LRP2: variants seen among roughly 807,000 people sequenced by gnomAD.
The protein encoded by LRP2 is LDL receptor related protein 2.
A neutral mutation model predicts 531.0 loss-of-function variants in LRP2; 172 were observed. The ratio of observed to expected loss-of-function variants is 0.32; its 90% CI spans 0.29 to 0.37. LRP2 has a LOEUF of 0.37. LRP2 is among the 10% of genes least tolerant of loss of function. LRP2 has a pLI of 1.00. For missense variants in LRP2, 5,167 were observed against 5,868.3 expected, an observed-to-expected ratio of 0.88 and a Z score of 3.90; for synonymous variants, 1,992 against 2,027.6, an observed-to-expected ratio of 0.98 and a Z score of 0.47.
chr2:169,153,590 C>T (rs758952640), intron 66 of LRP2, among the ~76,000 whole-genome samples: 2 of 152,214 alleles, frequency 1.3e-5, no homozygotes, highest in Non-Finnish European at 2.9e-5. Flanking sequence ...TTCATATCTA[C>T]TATCTCATTC....
intron 75 of LRP2, 38 bp from the exon 76 acceptor site, chr2:169,137,531 GA>G (rs1685559140): frequency 8.0e-7 from 1 of 1,249,190 alleles, no homozygotes; most frequent in African/African-American, 1.5e-5. Context: ...GAGAGAGAGA[GA>G]GAAACAGAGA....
In LRP2 at chr2:169,237,265, A is replaced by C. The variant is rs2105377273; in HGVS notation, c.4529T>G (p.Leu1510Trp). ...CCAATCTATTGCAATAGTTTCAGTCAAGATGATGCTACTGTCAAATACCTA... is the reference window on the plus strand; with the variant it reads ...CCAATCTATTGCAATAGTTTCAGTCCAGATGATGCTACTGTCAAATACCTA... ...RRVVFDSSII[L>W]TETIAIDWVG... Residue 1510 changes from leucine to tryptophan, a missense_variant, in exon 28 of 79, where the codon TTG becomes TGG. By Grantham distance (61) the Leu-to-Trp change is moderately conservative. This residue lies in a region of LRP2 where 2,811 missense variants were observed against 3,058.0 expected (regional missense o/e 0.92). Coordinates refer to ENST00000649046, the MANE Select transcript of LRP2 (RefSeq NM_004525.3). The C allele has an allele frequency of 1.2e-6, 2 of 1,613,580 alleles. No individual in the cohort carries two copies. The highest frequency in any genetic ancestry group is 3.3e-4 in the Middle Eastern group (2 of 6,058).
At chr2:169,274,516 C>T (rs1683501725) in intron 14 of LRP2, among the ~76,000 whole-genome samples, 1 of 151,984 alleles carries the variant, frequency 6.6e-6, no homozygotes, top group African/African-American at 2.4e-5. Context: ...AAGTGACCAG[C>T]CAGAGAGACA....
chr2:169,302,360 A>G lies in LRP2; in HGVS notation c.427+4921T>C, dbSNP rs186596898. 6.8e-4 allele frequency among the ~76,000 whole-genome samples: 103 copies of G among 152,298 alleles called. 2 individuals are homozygous for G. In the Middle Eastern group the frequency reaches 0.017, roughly 25 times the overall value. ...TCCTAATGAAAATACACAGATTTATATAAAAAGTACTCTTGCCTTCCCTTG... is the reference window on the plus strand; with the variant it reads ...TCCTAATGAAAATACACAGATTTATGTAAAAAGTACTCTTGCCTTCCCTTG... On this transcript the variant is annotated intron_variant, in intron 4 of 78. Coordinates refer to ENST00000649046, the MANE Select transcript of LRP2 (RefSeq NM_004525.3).
At chr2:169,212,405 C>A (rs1430181670) in intron 36 of LRP2, among the ~76,000 whole-genome samples, 198 bp from the exon 37 acceptor site, 1 of 152,060 alleles carries the variant, frequency 6.6e-6, no homozygotes, top group Non-Finnish European at 1.5e-5. Context: ...AAACCAGTAA[C>A]CCAACTATTG....
intron 13 of LRP2, among the ~76,000 whole-genome samples, chr2:169,277,436 G>A (rs989332870): frequency 2.0e-5 from 3 of 152,114 alleles, no homozygotes; most frequent in African/African-American, 7.2e-5. Context: ...AAGCACAAAT[G>A]AACTCAGGAG....
In LRP2 at chr2:169,146,842, G is replaced by A. The variant is rs780236605; in HGVS notation, c.12708C>T (p.Ile4236=). The A allele has an allele frequency of 8.7e-6, 14 of 1,613,912 alleles. No homozygotes were observed. In the East Asian group the frequency reaches 8.9e-5, roughly 10 times the overall value. The change falls in exon 69 of 79, where the codon ATC becomes ATT. Residue 4236 remains isoleucine (I), a synonymous_variant. Transcript: ENST00000649046. ...AGATTCGGTCATTGTTCAAATAATC[G>A]ATAGAAAGGCCAGTTGGCCAACCAA... The part of the protein sequence containing the change: ...EDLGWPTGLS[I]DYLNNDRIYW...
intron 71 of LRP2, among the ~76,000 whole-genome samples, chr2:169,141,897 A>G (rs16856488): frequency 0.07 from 10,676 of 152,240 alleles, 1,029 homozygotes; most frequent in African/African-American, 0.22. Flanking sequence ...TAAACCTGCC[A>G]ACTCCTCAGC....
At chr2:169,274,949 A>G in intron 14 of LRP2, 87 bp downstream of exon 14, 5 of 1,202,270 alleles carry the variant, frequency 4.2e-6, no homozygotes, top group Non-Finnish European at 6.2e-6. Flanking sequence ...ATCACATAAG[A>G]CCCCTCATTA....
chr2:169,161,907 T>C (rs998840069), intron 63 of LRP2, among the ~76,000 whole-genome samples: 1 of 152,212 alleles, frequency 6.6e-6, no homozygotes, highest in African/African-American at 2.4e-5. Flanking sequence ...TTTTTTCATG[T>C]ATATACTTTA....
At chr2:169,179,894 C>T (rs1687365612) in intron 52 of LRP2, among the ~76,000 whole-genome samples, 1 of 150,170 alleles carries the variant, frequency 6.7e-6, no homozygotes, top group Non-Finnish European at 1.5e-5. Flanking sequence ...ACCAATTTAA[C>T]ATGGCTCATG....
At position 169,238,124 on chromosome 2, in the gene LRP2, C is replaced by G; in HGVS notation, c.4473G>C (p.Trp1491Cys). Reference protein sequence around the residue: ...FWSDATQGKTWSAFQNGTDRR... With the variant: ...FWSDATQGKTCSAFQNGTDRR... Reference sequence around the variant, plus strand: ...TGTCCGTTCCATTTTGAAACGCACTCCAGGTTTTACCCTGAGTTGCATCAG... The same window carrying G: ...TGTCCGTTCCATTTTGAAACGCACTGCAGGTTTTACCCTGAGTTGCATCAG... Residue 1491 changes from tryptophan to cysteine, a missense_variant, in exon 27 of 79, where the codon TGG (tryptophan) becomes TGC (cysteine). Transcript: ENST00000649046. The G allele has an allele frequency of 1.2e-6, 2 of 1,614,146 alleles. No homozygotes were observed. The highest frequency in any genetic ancestry group is 1.7e-6 in the Non-Finnish European group (2 of 1,180,000).
chr2:169,265,068 G>A (rs1204503501), intron 16 of LRP2, among the ~76,000 whole-genome samples: 1 of 151,862 alleles, frequency 6.6e-6, no homozygotes, highest in Non-Finnish European at 1.5e-5. Flanking sequence ...GGAGAATGAA[G>A]GCATCTATGA....
chr2:169,270,832 GT>G, intron 16 of LRP2, 71 bp downstream of exon 16: 1 of 985,190 alleles, frequency 1.0e-6, no homozygotes, highest in South Asian at 1.6e-5. Flanking sequence ...TAATTATCAA[GT>G]TGTAAGTATC....
chr2:169,299,159 A>G (rs830962), intron 4 of LRP2, among the ~76,000 whole-genome samples: 104 of 6,464 alleles, frequency 0.016, 6 homozygotes, highest in South Asian at 0.038. Context: ...AAGAAAGAAA[A>G]AAAGAAAGAA....
rs1456642684 is a variant in LRP2, at chr2:169,191,988, C to G, written c.8876G>C (p.Arg2959Thr). ...SDSEFLCVNDRPPDRRCIPQS... is the reference protein window; with the variant it reads ...SDSEFLCVNDTPPDRRCIPQS... ...GGGAATGCACCTCCTGTCCGGAGGT[C>G]TGTCATTTACACAGAGAAACTCGGA... Residue 2959 changes from arginine to threonine, a missense_variant, in exon 48 of 79, where the codon AGA (arginine) becomes ACA (threonine). Transcript: ENST00000649046. The G allele has an allele frequency of 1.2e-6, 2 of 1,614,112 alleles. No homozygotes were observed. The highest frequency in any genetic ancestry group is 3.3e-5 in the Admixed American group (2 of 60,022).
intron 16 of LRP2, among the ~76,000 whole-genome samples, chr2:169,263,341 A>G (rs1283176092): frequency 1.3e-5 from 2 of 151,926 alleles, no homozygotes; most frequent in Non-Finnish European, 2.9e-5. Flanking sequence ...TTCGCAACCT[A>G]CTCATCTGAC....
Position 169,212,180 on chromosome 2 carries a change from C to G in LRP2, c.6068G>C (p.Ser2023Thr). The G allele has an allele frequency of 6.2e-7, 1 of 1,614,050 alleles. No individual in the cohort carries two copies. The highest frequency in any genetic ancestry group is 8.5e-7 in the Non-Finnish European group (1 of 1,179,934). ...RNAAESSNGC[S>T]NNMNACQQIC... ...CTGCTGACAGGCATTCATGTTGTTG[C>G]TACAGCCATTTGAGGATTCGGCGGC... Residue 2023 changes from serine (S) to threonine (T), a missense_variant, in exon 37 of 79, where the codon AGC becomes ACC. Ser to Thr is a moderately conservative substitution (Grantham distance 58). Transcript: ENST00000649046.
chr2:169,147,054 T>A (rs894085410), intron 68 of LRP2, 95 bp from the exon 69 acceptor site: 2 of 975,876 alleles, frequency 2.0e-6, no homozygotes, highest in Non-Finnish European at 3.2e-6. Context: ...AAACCAACTG[T>A]TTATCTCAGG....
Sources: allele counts gnomAD v4.1 joint callset (sites outside exome capture counted in the v4.1 genomes callset), GRCh38; gene constraint gnomAD v4.1.1; regional missense constraint gnomAD v4.1.1; transcripts MANE v1.5; gene names NCBI Gene and HGNC (gene_info 2026-07-23, HGNC 2026-07-21).